MCM10: variants seen among roughly 807,000 people sequenced by gnomAD.
MCM10 encodes the protein minichromosome maintenance 10 replication initiation factor.
MCM10 carries 91 observed loss-of-function variants against 109.9 expected under a neutral mutation model. The observed-to-expected ratio is 0.83, with a 90% CI of 0.70 to 0.99. The LOEUF (loss-of-function observed/expected upper bound fraction) is 0.99. Ranked by LOEUF, MCM10 falls within the 50% of genes least tolerant of loss-of-function variation. The probability of loss-of-function intolerance (pLI) is 0.00; values close to 1 mark genes in which losing one functional copy is unlikely to be tolerated. For missense variants in MCM10, 1,077 were observed against 1,061.2 expected (o/e 1.01, Z -0.21); for synonymous variants, 380 against 387.2 (o/e 0.98, Z 0.22).
chr10:13,186,848 C>T (rs146864837), intron 9 of MCM10, among the ~76,000 whole-genome samples: 29 of 152,100 alleles, frequency 1.9e-4, no homozygotes, highest in South Asian at 2.1e-4. Context: ...AAAAATTAGG[C>T]GGTCATGGTG....
chr10:13,190,995 A>C (rs1340317057), intron 10 of MCM10, among the ~76,000 whole-genome samples: 1 of 152,166 alleles, frequency 6.6e-6, no homozygotes, highest in Non-Finnish European at 1.5e-5. Context: ...ATAATCCTTA[A>C]TTATTTTAAG....
rs144666226 is a variant in MCM10, at chr10:13,172,930, C to T, written c.592+165C>T. Among the ~76,000 whole-genome samples, 78 of 152,218 alleles carry T rather than the reference C, an allele frequency of 5.1e-4. No homozygotes were observed. Among genetic ancestry groups the T allele is most frequent in the African/African-American group, 1.7e-3 (71 of 41,528 alleles). The stretch of plus-strand genomic sequence containing the variant: ...GCCACATGATATATTTTGTGTTCTT[C>T]GTCTACATCTCAAAGTGCCTAGAAA... On this transcript the variant is annotated intron_variant, in intron 5 of 19. Transcript: ENST00000378714. The surrounding 1 kb of genome is among the most constrained non-coding windows in gnomAD (Gnocchi z 5.2).
At chr10:13,193,235 C>G (rs1233592950) in intron 13 of MCM10, among the ~76,000 whole-genome samples, 1 of 150,500 alleles carries the variant, frequency 6.6e-6, no homozygotes, top group East Asian at 1.9e-4. Context: ...AACTGAAGCA[C>G]TAAAAATGGA....
intron 10 of MCM10, among the ~76,000 whole-genome samples, chr10:13,189,505 T>C (rs1393638683): frequency 6.6e-6 from 1 of 152,092 alleles, no homozygotes; most frequent in Non-Finnish European, 1.5e-5. Flanking sequence ...GCATTTTTGG[T>C]ACAGACAGGG....
Position 13,172,595 on chromosome 10 carries a change from T to G in MCM10, c.455-33T>G, listed in dbSNP as rs1438537982. 6.2e-7 allele frequency: 1 copy of G among 1,613,100 alleles called. No individual in the cohort carries two copies. The highest frequency in any genetic ancestry group is 1.1e-5 in the South Asian group (1 of 90,874). On this transcript the variant is annotated intron_variant, in intron 4 of 19. Coordinates refer to ENST00000378714, the MANE Select transcript of MCM10 (RefSeq NM_018518.5). The surrounding 1 kb of genome is among the most constrained non-coding windows in gnomAD (Gnocchi z 5.2). ...CCTTTGAACCTCTTTCTGAATGGGT[T>G]TTTACTCACTTATTTTACTTTTGAT...
intron 1 of MCM10, among the ~76,000 whole-genome samples, 163 bp from the exon 2 acceptor site, chr10:13,163,965 A>C (rs1431913607): frequency 6.6e-6 from 1 of 152,188 alleles, no homozygotes; most frequent in Non-Finnish European, 1.5e-5. Flanking sequence ...AAGGAAGGAG[A>C]TGGCATTGGC....
At chr10:13,180,653 A>T (rs1271806671) in intron 7 of MCM10, 46 bp downstream of exon 7, 10 of 1,601,106 alleles carry the variant, frequency 6.2e-6, no homozygotes, top group Non-Finnish European at 8.5e-6. Flanking sequence ...ACAAACTGAC[A>T]GTGGGAATTC....
chr10:13,185,077 G>A (rs1386521431), intron 8 of MCM10, among the ~76,000 whole-genome samples: 2 of 152,108 alleles, frequency 1.3e-5, no homozygotes, highest in Admixed American at 1.3e-4. Context: ...CACAAATTGG[G>A]CAAAGCACCT....
At chr10:13,167,585 C>CGGGG (rs56184428) in intron 2 of MCM10, among the ~76,000 whole-genome samples, 1 of 145,378 alleles carries the variant, frequency 6.9e-6, no homozygotes, top group Non-Finnish European at 1.5e-5. Flanking sequence ...AGGGGAGGAC[C>CGGGG]GGGGGGGGCA....
intron 14 of MCM10, among the ~76,000 whole-genome samples, chr10:13,196,951 G>T (rs926143199): frequency 1.3e-5 from 2 of 152,082 alleles, no homozygotes; most frequent in African/African-American, 4.8e-5. Context: ...TTGAGACAGG[G>T]TCTCACTCTG....
At chr10:13,204,015 G>T (rs1387553814) in intron 17 of MCM10, among the ~76,000 whole-genome samples, 1 of 151,284 alleles carries the variant, frequency 6.6e-6, no homozygotes, top group African/African-American at 2.5e-5. Context: ...GGACAAACGT[G>T]AGAAACGGTG....
chr10:13,161,933 A>T (rs949379564), intron 1 of MCM10, among the ~76,000 whole-genome samples: 4 of 152,106 alleles, frequency 2.6e-5, no homozygotes, highest in Admixed American at 6.5e-5. Flanking sequence ...TCTCGTATTC[A>T]TGATTTGCCA....
At chr10:13,167,865 A>G (rs117881343) in intron 2 of MCM10, among the ~76,000 whole-genome samples, 2,538 of 152,338 alleles carry the variant, frequency 0.017, 30 homozygotes, top group Admixed American at 0.039. Flanking sequence ...AGGGGTAGCC[A>G]GATTTCTGTT....
chr10:13,170,414 T>G (rs2131557212), intron 2 of MCM10, among the ~76,000 whole-genome samples: 1 of 152,302 alleles, frequency 6.6e-6, no homozygotes, highest in African/African-American at 2.4e-5. Flanking sequence ...ATTATATACA[T>G]CTAAAGCCTA....
chr10:13,177,015 T>G (rs117960440), intron 6 of MCM10, among the ~76,000 whole-genome samples: 1 of 152,330 alleles, frequency 6.6e-6, no homozygotes, highest in Non-Finnish European at 1.5e-5. Context: ...GCTGTGGTTC[T>G]CATTGAGGGG....
chr10:13,181,855 C>A (rs1040055722), intron 7 of MCM10, among the ~76,000 whole-genome samples: 3 of 152,132 alleles, frequency 2.0e-5, no homozygotes, highest in African/African-American at 7.2e-5. Context: ...AAGACAGGCA[C>A]TGCACAAATC....
chr10:13,172,866 T>A lies in MCM10; in HGVS notation c.592+101T>A. ...GGTGTCTGTGTCTTTTGGTCTGTCT[T>A]ATGTCCCCATTGAGAAAGAAAGTTT... is the stretch of plus-strand genomic sequence containing the variant. On this transcript the variant is annotated intron_variant, in intron 5 of 19. Transcript: ENST00000378714. This position sits in a 1 kb window ranked among gnomAD's most constrained non-coding sequence, Gnocchi z 5.2. The A allele has an allele frequency of 9.0e-7, 1 of 1,112,284 alleles. No homozygotes were observed. 68.9% of individuals were successfully genotyped at this position (1,112,284 alleles called of 1,614,324 possible). A position where few individuals can be genotyped will look rare whatever the true frequency, so the allele number is the denominator to read the frequency against.
Position 13,186,176 on chromosome 10 carries a change from A to T in MCM10, c.1111A>T (p.Ile371Phe), listed in dbSNP as rs753095160. The T allele has an allele frequency of 1.2e-6, 2 of 1,608,376 alleles. No individual in the cohort carries two copies. The highest frequency in any genetic ancestry group is 1.7e-6 in the Non-Finnish European group (2 of 1,175,372). ...KDGSEEVCLSIDHPQKVLIMG... is the reference protein window; with the variant it reads ...KDGSEEVCLSFDHPQKVLIMG... ...CCTTTTCTTACAGGTGTGTTTATCT[A>T]TCGATCATCCTCAGAAGGTCTTAAT... Residue 371 changes from isoleucine to phenylalanine, a missense_variant, in exon 9 of 20, where the codon ATC (isoleucine) becomes TTC (phenylalanine). Coordinates refer to ENST00000378714, the MANE Select transcript of MCM10 (RefSeq NM_018518.5).
intron 2 of MCM10, among the ~76,000 whole-genome samples, chr10:13,165,732 T>G (rs1171983964): frequency 6.6e-6 from 1 of 151,662 alleles, no homozygotes; most frequent in South Asian, 2.1e-4. Context: ...AAAATTAACC[T>G]GGTGTGGTGG....
Sources: gnomAD v4.1 joint callset for allele counts (sites outside exome capture counted in the v4.1 genomes callset) on GRCh38, gnomAD v4.1.1 for gene constraint, Gnocchi (gnomAD v3.1) non-coding constraint, MANE v1.5 for transcripts, NCBI Gene and HGNC (gene_info 2026-07-23, HGNC 2026-07-21) for gene names.